RBMS3: variants seen among roughly 807,000 people sequenced by gnomAD.
The protein encoded by RBMS3 is RNA-binding motif, single-stranded-interacting protein 3.
Under a neutral mutation model 66.8 loss-of-function variants are expected in RBMS3, and 27 were observed. The ratio of observed to expected loss-of-function variants is 0.40; its 90% CI spans 0.30 to 0.56. The LOEUF is 0.56. Among genes scored for constraint, RBMS3 ranks in the 20% least tolerant of loss-of-function variants. The pLI, the probability that RBMS3 is intolerant of heterozygous loss-of-function variation, is 0.40. For synonymous variants in RBMS3, 188 were observed against 183.0 expected (o/e 1.03, Z -0.22); for missense variants, 513 against 549.5 (o/e 0.93, Z 0.66).
rs779780304 is a variant in RBMS3 at position 29,899,762 on chromosome 3, G to A, written c.939+7G>A. ...ATACGTTATGCAACCAACAGTAAGTGTTCTCAGTCACCTGAGGCTAATATT... is the reference window on the plus strand; with the variant it reads ...ATACGTTATGCAACCAACAGTAAGTATTCTCAGTCACCTGAGGCTAATATT... On this transcript the variant is annotated splice_region_variant and intron_variant, in intron 10 of 14. Transcript: ENST00000383767. 1.2e-6 allele frequency: 2 copies of A among 1,608,954 alleles called. No homozygotes were observed. Among genetic ancestry groups the A allele is most frequent in the South Asian group, 2.2e-5 (2 of 90,856 alleles).
intron 1 of RBMS3, among the ~76,000 whole-genome samples, chr3:29,421,713 A>ATCAGTAGCTACTATTAGTAGCTCCTC (rs1185670292): frequency 5.3e-5 from 8 of 152,200 alleles, no homozygotes; most frequent in African/African-American, 1.7e-4. Flanking sequence ...TCTAACTACT[A>ATCAGTAGCTACTATTAGTAGCTCCTC]TCAGTAGCTA....
chr3:29,634,636 TCTTC>T (rs1328162477), intron 4 of RBMS3, among the ~76,000 whole-genome samples: 1 of 151,882 alleles, frequency 6.6e-6, no homozygotes. Context: ...TTATTGACTT[TCTTC>T]CTTTACTGAA....
intron 3 of RBMS3, among the ~76,000 whole-genome samples, chr3:29,500,934 A>C (rs745657258): frequency 6.6e-6 from 1 of 152,126 alleles, no homozygotes; most frequent in African/African-American, 2.4e-5. Context: ...ATAAAGATTT[A>C]CCTAAAAGTT....
At chr3:29,454,603 A>G (rs2042120805) in intron 2 of RBMS3, among the ~76,000 whole-genome samples, 1 of 152,196 alleles carries the variant, frequency 6.6e-6, no homozygotes, top group South Asian at 2.1e-4. Context: ...CACATATGTA[A>G]TCACTTTCTG....
intron 1 of RBMS3, among the ~76,000 whole-genome samples, chr3:29,419,606 A>G (rs1466813263): frequency 1.3e-5 from 2 of 152,118 alleles, no homozygotes; most frequent in Non-Finnish European, 2.9e-5. Flanking sequence ...TACTTACAAA[A>G]CTATCATTAT....
intron 2 of RBMS3, among the ~76,000 whole-genome samples, chr3:29,446,344 A>G (rs2041831322): frequency 1.3e-5 from 2 of 152,184 alleles, no homozygotes; most frequent in South Asian, 4.1e-4. Context: ...TAGTTAAATA[A>G]AATTCACCTG....
chr3:29,351,437 C>T (rs921467435), intron 1 of RBMS3, among the ~76,000 whole-genome samples: 2 of 152,072 alleles, frequency 1.3e-5, no homozygotes, highest in Non-Finnish European at 2.9e-5. Context: ...ACTGTATTTA[C>T]AAATGTTTGC....
chr3:29,316,047 G>A (rs74467064), intron 1 of RBMS3, among the ~76,000 whole-genome samples: 6,446 of 151,634 alleles, frequency 0.043, 198 homozygotes, highest in Non-Finnish European at 0.06. Flanking sequence ...GTTTTGATAG[G>A]TATTACCGGG....
intron 4 of RBMS3, among the ~76,000 whole-genome samples, chr3:29,696,660 G>A (rs896487653): frequency 2.0e-5 from 3 of 152,180 alleles, no homozygotes; most frequent in African/African-American, 7.2e-5. Flanking sequence ...GAGAGTTGAT[G>A]ATAATTTCTG....
intron 4 of RBMS3, among the ~76,000 whole-genome samples, chr3:29,693,444 A>G (rs1046651275): frequency 2.0e-5 from 3 of 152,162 alleles, no homozygotes; most frequent in African/African-American, 7.2e-5. Flanking sequence ...ATGGGCAAAT[A>G]TATATCTTAT....
At chr3:29,769,802 G>A (rs1177271647) in intron 6 of RBMS3, among the ~76,000 whole-genome samples, 1 of 151,854 alleles carries the variant, frequency 6.6e-6, no homozygotes, top group African/African-American at 2.4e-5. Flanking sequence ...AAGGTATGGG[G>A]AGGATGCACA....
rs1307377603 is a variant in RBMS3 at position 30,005,959 on chromosome 3, C to T, written c.*2097C>T. On this transcript the variant is annotated 3_prime_UTR_variant, in exon 15 of 15. Transcript: ENST00000383767. ...CTTTGTCTAAAATGAATTAAATTGA[C>T]CCACCTGTAAAATATATCTACATTT... 6.6e-6 allele frequency: 1 copy of T among 151,760 alleles called. No homozygotes were observed. The highest frequency in any genetic ancestry group is 1.5e-5 in the Non-Finnish European group (1 of 67,790). 9.4% of individuals were successfully genotyped at this position (151,760 alleles called of 1,614,324 possible). A position where few individuals can be genotyped will look rare whatever the true frequency, so the allele number is the denominator to read the frequency against.
intron 4 of RBMS3, among the ~76,000 whole-genome samples, chr3:29,601,724 C>T (rs1331470129): frequency 6.6e-6 from 1 of 151,954 alleles, no homozygotes; most frequent in Non-Finnish European, 1.5e-5. Flanking sequence ...TTAAATAAAC[C>T]ATTAATTAGA....
At chr3:30,002,895 T>C (rs1446884027) in intron 14 of RBMS3, among the ~76,000 whole-genome samples, 2 of 151,964 alleles carry the variant, frequency 1.3e-5, no homozygotes, top group African/African-American at 4.8e-5. Context: ...GGGCTGAAAT[T>C]TAGCCCCCAC....
intron 12 of RBMS3, among the ~76,000 whole-genome samples, chr3:29,962,631 G>A (rs1181457320): frequency 6.6e-6 from 1 of 150,380 alleles, no homozygotes. Flanking sequence ...AATTAGGGCA[G>A]TAACTAAATT....
intron 6 of RBMS3, among the ~76,000 whole-genome samples, chr3:29,857,736 G>A (rs1345517708): frequency 6.6e-6 from 1 of 152,050 alleles, no homozygotes; most frequent in African/African-American, 2.4e-5. Context: ...ACTAGGCAAT[G>A]GTGAATAGGG....
At chr3:29,745,865 A>G (rs1174030872) in intron 5 of RBMS3, among the ~76,000 whole-genome samples, 1 of 150,572 alleles carries the variant, frequency 6.6e-6, no homozygotes, top group African/African-American at 2.4e-5. Context: ...TTTTCTAAAT[A>G]AATAATTTAA....
chr3:29,998,927 A>C (rs1699431014), intron 14 of RBMS3, among the ~76,000 whole-genome samples: 1 of 152,118 alleles, frequency 6.6e-6, no homozygotes, highest in African/African-American at 2.4e-5. Context: ...AATGGGATCT[A>C]ATTAAACTAA....
chr3:29,530,741 G>T (rs979870899), intron 3 of RBMS3, among the ~76,000 whole-genome samples: 1 of 151,504 alleles, frequency 6.6e-6, no homozygotes, highest in Non-Finnish European at 1.5e-5. Flanking sequence ...GCGTGGTGGC[G>T]GCTGCCTGTA....
Sources: gnomAD v4.1 joint callset for allele counts (sites outside exome capture counted in the v4.1 genomes callset) on GRCh38, gnomAD v4.1.1 for gene constraint, MANE v1.5 for transcripts, NCBI Gene and HGNC (gene_info 2026-07-23, HGNC 2026-07-21) for gene names.